Variants in ANK1 observed in about 807,000 individuals in gnomAD.
ANK1 encodes ankyrin-1.
ANK1 carries 51 observed loss-of-function variants against 210.4 expected under a neutral mutation model. That is an observed-to-expected ratio of 0.24 (90% confidence interval 0.19 to 0.31). The LOEUF is 0.31. Ranked by LOEUF, ANK1 falls within the 10% of genes least tolerant of loss-of-function variation. The pLI is 1.00. For missense variants in ANK1, 2,051 were observed against 2,504.4 expected (o/e 0.82, Z 3.86); for synonymous variants, 967 against 1,025.9 (o/e 0.94, Z 1.10).
intron 1 of ANK1, among the ~76,000 whole-genome samples, chr8:41,805,616 G>A (rs1044748286): frequency 6.6e-6 from 1 of 152,112 alleles, no homozygotes; most frequent in Non-Finnish European, 1.5e-5. Context: ...AAAACTGAGA[G>A]TTTCTAAAAC....
Position 41,655,207 on chromosome 8 carries a change from G to A in ANK1, c.*583C>T, listed in dbSNP as rs1563306682. The stretch of plus-strand genomic sequence containing the variant: ...GGAGCGTCACCAGGGAGTCGAGGGG[G>A]TGTCACAAGTGGAATGGAGGTATGT... On this transcript the variant is annotated 3_prime_UTR_variant, in exon 43 of 43. Transcript: ENST00000289734. 1 of 158,294 alleles carries A rather than the reference G, an allele frequency of 6.3e-6. No homozygotes were observed. The highest frequency in any genetic ancestry group is 1.4e-5 in the Non-Finnish European group (1 of 71,788). The allele number at this position is 158,294 out of a possible 1,614,324, so 9.8% of individuals were successfully genotyped here.
intron 20 of ANK1, 90 bp downstream of exon 20, chr8:41,703,951 C>T (rs1331426959): frequency 1.2e-5 from 15 of 1,239,478 alleles, no homozygotes; most frequent in South Asian, 6.0e-5. Context: ...GCCCTAGACA[C>T]GTGCATTAAC....
intron 2 of ANK1, among the ~76,000 whole-genome samples, chr8:41,751,816 C>T (rs1337585195): frequency 6.6e-6 from 1 of 152,164 alleles, no homozygotes; most frequent in Non-Finnish European, 1.5e-5. Flanking sequence ...TAGAAACCTC[C>T]ATCAGCATAA....
chr8:41,787,867 G>A (rs1276562676), intron 1 of ANK1, among the ~76,000 whole-genome samples: 2 of 151,514 alleles, frequency 1.3e-5, no homozygotes, highest in African/African-American at 2.4e-5. Flanking sequence ...AGAGGAGGGG[G>A]AGGAGGAGGA....
At chr8:41,721,656 C>CAAAA (rs55653901) in intron 9 of ANK1, among the ~76,000 whole-genome samples, 5 of 108,128 alleles carry the variant, frequency 4.6e-5, no homozygotes, top group Admixed American at 9.6e-5. Flanking sequence ...GACTTCATCT[C>CAAAA]AAAAAAAAAA....
At chr8:41,841,392 T>A (rs1270924931) in intron 1 of ANK1, among the ~76,000 whole-genome samples, 2 of 152,114 alleles carry the variant, frequency 1.3e-5, no homozygotes, top group East Asian at 3.9e-4. Context: ...GAGGGAGAGC[T>A]GGGGATTTGC....
At position 41,688,234 on chromosome 8, in the gene ANK1, G is replaced by C. The variant is rs765701308; in HGVS notation, c.4184-4C>G. On this transcript the variant is annotated splice_polypyrimidine_tract_variant and splice_region_variant and intron_variant, in intron 34 of 42. Transcript: ENST00000289734. ...TGCTCTGTCCCACTGAGAGAACCTGGGGAGAAGCATTAGATTTCATTTAGT... is the reference window on the plus strand; with the variant it reads ...TGCTCTGTCCCACTGAGAGAACCTGCGGAGAAGCATTAGATTTCATTTAGT... 1.5e-5 allele frequency: 25 copies of C among 1,614,006 alleles called. 1 individual carries two copies. The South Asian group carries it at 2.2e-4, about 14-fold the overall frequency.
chr8:41,664,749 C>T, intron 39 of ANK1: 2 of 1,520,016 alleles, frequency 1.3e-6, no homozygotes, highest in Non-Finnish European at 1.8e-6. Flanking sequence ...GTCCCCTCAG[C>T]CCCGGCCTCC....
chr8:41,836,599 G>A (rs1229453936), intron 1 of ANK1, among the ~76,000 whole-genome samples: 2 of 152,226 alleles, frequency 1.3e-5, no homozygotes, highest in African/African-American at 4.8e-5. Context: ...CTCAGCCCGG[G>A]CTAAGGACCA....
Position 41,724,450 on chromosome 8 carries a change from G to C in ANK1, c.711+6C>G. ...GACAGTGAGGGCGCACGTGCCCCAG[G>C]GTTACCTGTGGTGTGAAATTGACGC... On this transcript the variant is annotated splice_donor_region_variant and intron_variant, in intron 7 of 42. Coordinates refer to ENST00000289734, the MANE Select transcript of ANK1 (RefSeq NM_000037.4). The C allele has an allele frequency of 6.4e-7, 1 of 1,569,024 alleles. No individual in the cohort carries two copies.
At chr8:41,884,735 G>T (rs1019212738) in intron 1 of ANK1, among the ~76,000 whole-genome samples, 4 of 152,184 alleles carry the variant, frequency 2.6e-5, no homozygotes, top group Non-Finnish European at 5.9e-5. Flanking sequence ...CAGAGGCTGT[G>T]TTGGGAGGAT....
At position 41,804,716 on chromosome 8, in the gene ANK1, T is replaced by C. The variant is rs1850661573; in HGVS notation, c.127-46579A>G. 2.0e-5 allele frequency among the ~76,000 whole-genome samples: 3 copies of C among 152,168 alleles called. No individual in the cohort carries two copies. The South Asian group carries it at 6.2e-4, about 31-fold the overall frequency. ...GGAGATCAATATTTTTAGAACATAT[T>C]CCAGATTCTGAAAACTTGATTCTCA... is the stretch of plus-strand genomic sequence containing the variant. On this transcript the variant is annotated intron_variant, in intron 1 of 42. Coordinates refer to the ANK1 transcript ENST00000265709.
At chr8:41,693,867 A>G in intron 29 of ANK1, 31 bp downstream of exon 29, 1 of 1,580,976 alleles carries the variant, frequency 6.3e-7, no homozygotes, top group Non-Finnish European at 8.6e-7. Flanking sequence ...GCAGCAGCCG[A>G]GAACAGAAGC....
chr8:41,695,785 C>G (rs1228053478), intron 26 of ANK1, among the ~76,000 whole-genome samples: 1 of 152,236 alleles, frequency 6.6e-6, no homozygotes, highest in Non-Finnish European at 1.5e-5. Context: ...GGAGGGCGGA[C>G]AGAGGTAGAA....
Position 41,692,890 on chromosome 8 carries a change from C to T in ANK1, c.3630-14G>A, listed in dbSNP as rs770600852. The T allele has an allele frequency of 4.5e-5, 72 of 1,611,276 alleles. No individual in the cohort carries two copies. The highest frequency in any genetic ancestry group is 6.7e-5 in the Admixed American group (4 of 59,992). ...GACAGCCAAAACCTAAAAAGTAGGG[C>T]GAGTTATGTGTTCCCAAGTGCCCAA... is the stretch of plus-strand genomic sequence containing the variant. On this transcript the variant is annotated splice_polypyrimidine_tract_variant and intron_variant, in intron 30 of 42. Coordinates refer to ENST00000289734, the MANE Select transcript of ANK1 (RefSeq NM_000037.4).
At chr8:41,667,851 G>C (rs888537671) in intron 39 of ANK1, among the ~76,000 whole-genome samples, 5 of 152,180 alleles carry the variant, frequency 3.3e-5, no homozygotes, top group African/African-American at 9.7e-5. Context: ...GCTGGGAAGA[G>C]AGCGCCTTGG....
Position 41,694,685 on chromosome 8 carries a change from G to A in ANK1, c.3234C>T (p.Pro1078=), listed in dbSNP as rs755219802. The change falls in exon 28 of 43, where the codon CCC becomes CCT. Residue 1078 remains proline, a synonymous_variant. Transcript: ENST00000289734. The surrounding 1 kb of genome is among the most constrained non-coding windows in gnomAD (Gnocchi z 5.7). ...GCTTGCTCTTCAGGGAGCCCCCTTC[G>A]GGACCGATGGTGTCGTAGTCCTGGC... is the stretch of plus-strand genomic sequence containing the variant. ...RLCQDYDTIG[P]EGGSLKSKLV... 5.6e-5 allele frequency: 91 copies of A among 1,614,002 alleles called. No homozygotes were observed. Among genetic ancestry groups the A allele is most frequent in the Admixed American group, 2.8e-4 (17 of 60,006 alleles).
chr8:41,806,484 G>A (rs1367510037), intron 1 of ANK1, among the ~76,000 whole-genome samples: 2 of 152,202 alleles, frequency 1.3e-5, no homozygotes. Context: ...AGAGGCCAAG[G>A]AGGGAAGATC....
chr8:41,866,132 T>G (rs990783174), intron 1 of ANK1, among the ~76,000 whole-genome samples: 1 of 152,218 alleles, frequency 6.6e-6, no homozygotes, highest in African/African-American at 2.4e-5. Context: ...GCTTCCTCTT[T>G]TCTCTTAGGA....
Sources: allele counts gnomAD v4.1 joint callset (sites outside exome capture counted in the v4.1 genomes callset), GRCh38; gene constraint gnomAD v4.1.1; non-coding constraint Gnocchi (gnomAD v3.1); transcripts MANE v1.5; gene names NCBI Gene and HGNC (gene_info 2026-07-23, HGNC 2026-07-21).